CEACAM21: variants seen among roughly 807,000 people sequenced by gnomAD.
CEACAM21 encodes cell adhesion molecule CEACAM21.
Under a neutral mutation model 33.2 loss-of-function variants are expected in CEACAM21, and 38 were observed. The observed-to-expected ratio is 1.14, with a 90% CI of 0.88 to 1.50. CEACAM21 has a LOEUF of 1.50. Among genes scored for constraint, CEACAM21 ranks in the 40% most tolerant of loss-of-function variants. CEACAM21 has a pLI of 0.00. For missense variants in CEACAM21, 385 were observed against 364.6 expected, an observed-to-expected ratio of 1.06 and a Z score of -0.46; for synonymous variants, 156 against 143.0, an observed-to-expected ratio of 1.09 and a Z score of -0.65.
rs116959142 is a variant in CEACAM21, at chr19:41,584,003, C to T, written c.701-344C>T. On this transcript the variant is annotated intron_variant, in intron 3 of 6. Coordinates refer to ENST00000401445, the MANE Select transcript of CEACAM21 (RefSeq NM_001098506.4). The stretch of plus-strand genomic sequence containing the variant: ...CTGCTCATCAGCATTGAGTTGGCAG[C>T]AAGGGCCTGCCCTTTACGACTGCCA... Among the ~76,000 whole-genome samples, 1,367 of 152,224 alleles carry T rather than the reference C, an allele frequency of 9.0e-3. 42 individuals are homozygous for T. The East Asian group carries it at 0.11, about 12-fold the overall frequency.
intron 1 of CEACAM21, chr19:41,552,376 C>G (rs1680269117): frequency 6.6e-6 from 1 of 152,186 alleles, no homozygotes; most frequent in Admixed American, 6.5e-5. Context: ...TAATCCTAAA[C>G]AGGTCTGGTT....
chr19:41,556,217 G>C (rs2044829430), intron 1 of CEACAM21, among the ~76,000 whole-genome samples: 2 of 152,210 alleles, frequency 1.3e-5, no homozygotes, highest in South Asian at 4.1e-4. Context: ...ACATGGGAGA[G>C]GAATTCCTTT....
chr19:41,562,513 G>T (rs991021295), intron 1 of CEACAM21, among the ~76,000 whole-genome samples: 1 of 152,074 alleles, frequency 6.6e-6, no homozygotes, highest in Non-Finnish European at 1.5e-5. Context: ...GTCCACCATG[G>T]CAGCATGTAT....
At chr19:41,559,151 G>A (rs2041718335) in intron 1 of CEACAM21, among the ~76,000 whole-genome samples, 1 of 152,158 alleles carries the variant, frequency 6.6e-6, no homozygotes, top group African/African-American at 2.4e-5. Flanking sequence ...AAGCACACAT[G>A]GAAAACTTAG....
At chr19:41,565,968 CG>C (rs1260748718) in intron 2 of CEACAM21, among the ~76,000 whole-genome samples, 162 of 25,818 alleles carry the variant, frequency 6.3e-3, no homozygotes, top group African/African-American at 0.01. Context: ...TTTGGGGGGG[CG>C]GGGGGGGTGG....
At chr19:41,551,069 T>C (rs1555784079) in intron 1 of CEACAM21, 1 of 152,150 alleles carries the variant, frequency 6.6e-6, no homozygotes, top group Non-Finnish European at 1.5e-5. Flanking sequence ...CTCTAGACCT[T>C]CACTTACCTG....
intron 1 of CEACAM21, among the ~76,000 whole-genome samples, chr19:41,560,725 A>T (rs1477769911): frequency 1.3e-5 from 2 of 152,258 alleles, no homozygotes; most frequent in Non-Finnish European, 2.9e-5. Context: ...AAGAAAGTAA[A>T]TCATATGAAT....
intron 3 of CEACAM21, among the ~76,000 whole-genome samples, chr19:41,581,814 G>A (rs1404742366): frequency 1.3e-5 from 2 of 152,126 alleles, no homozygotes; most frequent in Admixed American, 6.5e-5. Flanking sequence ...CCCCCAACAC[G>A]TGGGGATTAT....
At position 41,577,288 on chromosome 19, in the gene CEACAM21, T is replaced by C. The variant is rs893977977; in HGVS notation, c.153T>C (p.Val51=). The part of the protein sequence containing the change: ...APFEVAEGEN[V]HLSVVYLPEN... ...TTGAAGTTGCTGAAGGGGAGAATGT[T>C]CATCTCTCTGTGGTTTATCTGCCCG... is the stretch of plus-strand genomic sequence containing the variant. The change falls in exon 2 of 7, where the codon GTT becomes GTC. Residue 51 remains valine (V), a synonymous_variant. Coordinates refer to ENST00000401445, the MANE Select transcript of CEACAM21 (RefSeq NM_001098506.4). 6.2e-7 allele frequency: 1 copy of C among 1,614,154 alleles called. No individual in the cohort carries two copies. The highest frequency in any genetic ancestry group is 1.1e-5 in the South Asian group (1 of 91,082).
chr19:41,557,072 G>T (rs1242413091), intron 1 of CEACAM21, among the ~76,000 whole-genome samples: 1 of 152,134 alleles, frequency 6.6e-6, no homozygotes, highest in Non-Finnish European at 1.5e-5. Flanking sequence ...TTCATAAAAA[G>T]CCAAGGATGT....
chr19:41,584,652 A>G (rs1478676096), intron 4 of CEACAM21, among the ~76,000 whole-genome samples: 2 of 152,034 alleles, frequency 1.3e-5, no homozygotes, highest in Non-Finnish European at 2.9e-5. Context: ...ATTCAGTCCA[A>G]TTAAGGCCAT....
chr19:41,563,327 C>T (rs1373277100), intron 1 of CEACAM21, among the ~76,000 whole-genome samples: 4 of 152,168 alleles, frequency 2.6e-5, no homozygotes, highest in Admixed American at 2.0e-4. Flanking sequence ...GCTGTCCTGG[C>T]CACCCCGGGA....
chr19:41,573,306 T>C (rs1253100858), upstream of CEACAM21, among the ~76,000 whole-genome samples: 1 of 152,192 alleles, frequency 6.6e-6, no homozygotes, highest in African/African-American at 2.4e-5. Flanking sequence ...ACTCGGGGCC[T>C]CTTACCTTCC....
At chr19:41,564,170 A>C (rs1386155060) in intron 1 of CEACAM21, among the ~76,000 whole-genome samples, 2 of 152,102 alleles carry the variant, frequency 1.3e-5, no homozygotes, top group Admixed American at 6.5e-5. Context: ...GGGATGAAAA[A>C]TCGAGGGCAT....
intron 1 of CEACAM21, among the ~76,000 whole-genome samples, chr19:41,558,773 G>T (rs1555786112): frequency 6.6e-6 from 1 of 152,210 alleles, no homozygotes; most frequent in Non-Finnish European, 1.5e-5. Context: ...AATGAGCACA[G>T]GCAAAGATTC....
intron 1 of CEACAM21, among the ~76,000 whole-genome samples, chr19:41,556,397 A>G (rs1290515798): frequency 6.6e-6 from 1 of 152,240 alleles, no homozygotes; most frequent in Non-Finnish European, 1.5e-5. Context: ...TTTCACTCAA[A>G]TCCAAATATT....
chr19:41,584,406 G>A lies in CEACAM21; in HGVS notation c.760G>A (p.Ala254Thr), dbSNP rs1555794483. The change falls in exon 4 of 7, where the codon GCA (alanine) becomes ACA (threonine). Residue 254 changes from alanine to threonine, a missense_variant. Transcript: ENST00000401445. ...CCTGGTTGGGAGTCTTCTGGTGGCT[G>A]CACTTGTGTGTTTCCTGCTCCTCCG... Reference protein sequence around the residue: ...GVLVGSLLVAALVCFLLLRKT... With the variant: ...GVLVGSLLVATLVCFLLLRKT... The A allele has an allele frequency of 6.2e-7, 1 of 1,610,398 alleles. No homozygotes were observed. Among genetic ancestry groups the A allele is most frequent in the East Asian group, 2.2e-5 (1 of 44,780 alleles).
intron 3 of CEACAM21, 59 bp downstream of exon 3, chr19:41,579,687 G>A: frequency 3.2e-6 from 4 of 1,234,204 alleles, no homozygotes; most frequent in African/African-American, 1.5e-5. Flanking sequence ...GGAGGGAGGG[G>A]GGGTGTAAAA....
chr19:41,560,791 C>T (rs937011122), intron 1 of CEACAM21, among the ~76,000 whole-genome samples: 3 of 152,226 alleles, frequency 2.0e-5, no homozygotes, highest in Admixed American at 2.0e-4. Flanking sequence ...TGAATTTATG[C>T]TAAAAACTCA....
Sources: allele counts gnomAD v4.1 joint callset (sites outside exome capture counted in the v4.1 genomes callset), GRCh38; gene constraint gnomAD v4.1.1; transcripts MANE v1.5; gene names NCBI Gene and HGNC (gene_info 2026-07-23, HGNC 2026-07-21).